HSD17B12: variants seen among roughly 807,000 people sequenced by gnomAD.
HSD17B12 encodes the protein hydroxysteroid 17-beta dehydrogenase 12.
A neutral mutation model predicts 39.3 loss-of-function variants in HSD17B12; 32 were observed. The observed-to-expected ratio is 0.81, with a 90% CI of 0.61 to 1.09. The LOEUF is 1.09. HSD17B12 is among the 50% of genes least tolerant of loss of function. HSD17B12 has a pLI of 0.00. For synonymous variants in HSD17B12, 150 were observed against 146.7 expected (o/e 1.02, Z -0.16); for missense variants, 342 against 382.9 (o/e 0.89, Z 0.89).
Position 43,768,098 on chromosome 11 carries a change from C to CT in HSD17B12, c.283+13980dup, listed in dbSNP as rs1395627623. Reference sequence around the variant, plus strand: ...ATGGCACAACTAACTGAGTTCTAATCTTTGACTTCTTGTGCTGTGTTCTCC... The same window carrying CT: ...ATGGCACAACTAACTGAGTTCTAATCTTTTGACTTCTTGTGCTGTGTTCTCC... On this transcript the variant is annotated intron_variant, in intron 3 of 10. Coordinates refer to ENST00000278353, the MANE Select transcript of HSD17B12 (RefSeq NM_016142.3). 2.6e-5 allele frequency among the ~76,000 whole-genome samples: 4 copies of CT among 152,290 alleles called. No individual in the cohort carries two copies. The East Asian group carries it at 5.8e-4, about 22-fold the overall frequency.
At chr11:43,702,017 T>C (rs1842479978) in intron 1 of HSD17B12, among the ~76,000 whole-genome samples, 1 of 152,172 alleles carries the variant, frequency 6.6e-6, no homozygotes, top group Non-Finnish European at 1.5e-5. Flanking sequence ...ATCAGTGTTT[T>C]ATAGTTTTTA....
chr11:43,576,834 G>A, the HSD17B12 span, among the ~76,000 whole-genome samples: 2 of 152,022 alleles, frequency 1.3e-5, no homozygotes, highest in African/African-American at 4.8e-5. Context: ...TTGCAGAGCC[G>A]GGAATCACCC....
At chr11:43,791,348 G>A (rs6485461) in intron 3 of HSD17B12, among the ~76,000 whole-genome samples, 152,268 of 152,270 alleles carry the variant, frequency 1, 76,133 homozygotes, top group Middle Eastern at 1. Context: ...CCTGGCCAAC[G>A]TGGCAAAACC....
intron 1 of HSD17B12, among the ~76,000 whole-genome samples, chr11:43,702,946 A>G (rs1949979101): frequency 6.6e-6 from 1 of 152,156 alleles, no homozygotes; most frequent in Non-Finnish European, 1.5e-5. Context: ...GTATCATTGA[A>G]TTCTGTCTGC....
At chr11:43,738,047 ACT>A (rs1322195433) in intron 1 of HSD17B12, among the ~76,000 whole-genome samples, 2 of 131,226 alleles carry the variant, frequency 1.5e-5, no homozygotes, top group African/African-American at 3.0e-5. Flanking sequence ...ACAGAGCCAG[ACT>A]CTGTCCCAAA....
intron 4 of HSD17B12, among the ~76,000 whole-genome samples, chr11:43,813,105 T>C (rs1483098699): frequency 6.6e-6 from 1 of 152,178 alleles, no homozygotes; most frequent in African/African-American, 2.4e-5. Context: ...TCTCCCAAAG[T>C]GCTGGGATTA....
At chr11:43,566,629 A>C in the HSD17B12 span, among the ~76,000 whole-genome samples, 2 of 152,124 alleles carry the variant, frequency 1.3e-5, no homozygotes. Context: ...TCCCGGGTTC[A>C]AGCAATTCTC....
At chr11:43,718,026 A>G (rs573654573) in intron 1 of HSD17B12, among the ~76,000 whole-genome samples, 2 of 152,140 alleles carry the variant, frequency 1.3e-5, no homozygotes, top group Admixed American at 1.3e-4. Context: ...GCTGGTCTCA[A>G]ACTCCTGGCC....
At chr11:43,787,936 A>AT (rs1167278077) in intron 3 of HSD17B12, among the ~76,000 whole-genome samples, 2 of 152,110 alleles carry the variant, frequency 1.3e-5, no homozygotes, top group Non-Finnish European at 2.9e-5. Context: ...CTGTGGCAAG[A>AT]TTTTACAAAA....
rs1455760840 is a variant in HSD17B12 at position 43,831,643 on chromosome 11, A to C, written c.536+633A>C. 1 of 152,200 alleles carries C rather than the reference A, an allele frequency of 6.6e-6. No homozygotes were observed. Among genetic ancestry groups the C allele is most frequent in the Non-Finnish European group, 1.5e-5 (1 of 68,034 alleles). The allele number at this position is 152,200 out of a possible 1,614,324, so 9.4% of individuals were successfully genotyped here. On this transcript the variant is annotated intron_variant, in intron 7 of 10. Transcript: ENST00000278353. The surrounding 1 kb of genome is among the most constrained non-coding windows in gnomAD (Gnocchi z 4.1). ...AATTAAGCTGTTTCTTCCTTGGAAAAATCTGAATGATGTCTAGGCCTTCAA... is the reference window on the plus strand; with the variant it reads ...AATTAAGCTGTTTCTTCCTTGGAAACATCTGAATGATGTCTAGGCCTTCAA...
chr11:43,626,481 C>G, the HSD17B12 span, among the ~76,000 whole-genome samples: 4 of 151,670 alleles, frequency 2.6e-5, no homozygotes, highest in African/African-American at 9.7e-5. Context: ...AAAAATAATG[C>G]ATTTTTGGTT....
rs1046917429 is a variant in HSD17B12, at chr11:43,798,381, T to C, written c.345T>C (p.Tyr115=). Residue 115 remains tyrosine, a synonymous_variant, in exon 4 of 11, where the codon TAT becomes TAC. Transcript: ENST00000278353. ...TTGACTTTGCATCAGAAGATATTTA[T>C]GATAAAATTAAAACAGGCTTGGCTG... ...IAVDFASEDI[Y]DKIKTGLAGL... is the part of the protein sequence containing the mutation. 27 of 1,612,588 alleles carry C rather than the reference T, an allele frequency of 1.7e-5. No homozygotes were observed. Among genetic ancestry groups the C allele is most frequent in the Non-Finnish European group, 2.3e-5 (27 of 1,179,130 alleles).
chr11:43,687,001 T>A (rs576631630), intron 1 of HSD17B12, among the ~76,000 whole-genome samples: 180 of 95,112 alleles, frequency 1.9e-3, no homozygotes, highest in African/African-American at 5.4e-3. Flanking sequence ...TGAGGATAAT[T>A]TATTTCTTTC....
chr11:43,653,597 G>C, the HSD17B12 span, among the ~76,000 whole-genome samples: 1 of 151,964 alleles, frequency 6.6e-6, no homozygotes, highest in Admixed American at 6.6e-5. Context: ...TCCTCTTCCT[G>C]TGTCCATGTG....
At chr11:43,854,939 A>G (rs1315567946) in intron 10 of HSD17B12, 75 bp downstream of exon 10, 1 of 1,438,438 alleles carries the variant, frequency 7.0e-7, no homozygotes, top group Non-Finnish European at 9.6e-7. Flanking sequence ...ACAGGATAGT[A>G]TGTAATAGAT....
intron 1 of HSD17B12, among the ~76,000 whole-genome samples, chr11:43,715,235 C>T (rs1216032722): frequency 2.6e-5 from 4 of 151,992 alleles, no homozygotes; most frequent in African/African-American, 9.7e-5. Context: ...AGTTTTTGCC[C>T]ATTCAGTATG....
the HSD17B12 span, among the ~76,000 whole-genome samples, chr11:43,642,187 T>A: frequency 2.0e-5 from 3 of 151,732 alleles, no homozygotes; most frequent in African/African-American, 4.8e-5. Context: ...TTGAGGGAAA[T>A]TACTAAATTT....
chr11:43,648,195 GT>G, the HSD17B12 span, among the ~76,000 whole-genome samples: 3 of 151,820 alleles, frequency 2.0e-5, no homozygotes, highest in Non-Finnish European at 4.4e-5. Context: ...CCTTTGTGGG[GT>G]TCCAGAATTT....
At chr11:43,679,652 T>C (rs1427139286), upstream of HSD17B12, among the ~76,000 whole-genome samples, 1 of 152,200 alleles carries the variant, frequency 6.6e-6, no homozygotes, top group Non-Finnish European at 1.5e-5. Flanking sequence ...CTATCCCCCT[T>C]TGAAGACAAA....
Sources: gnomAD v4.1 joint callset for allele counts (sites outside exome capture counted in the v4.1 genomes callset) on GRCh38, gnomAD v4.1.1 for gene constraint, Gnocchi (gnomAD v3.1) non-coding constraint, MANE v1.5 for transcripts, NCBI Gene and HGNC (gene_info 2026-07-23, HGNC 2026-07-21) for gene names.